The following CNOT4 variants were observed in gnomAD, a reference collection of about 807,000 sequenced individuals.
CNOT4 encodes CCR4-associated factor 4.
Under a neutral mutation model 73.8 loss-of-function variants are expected in CNOT4, and 8 were observed. The observed-to-expected ratio is 0.11, with a 90% CI of 0.06 to 0.20. The LOEUF (loss-of-function observed/expected upper bound fraction) is 0.20, where lower values mean the gene tolerates loss of function less well. CNOT4 is among the 10% of genes least tolerant of loss of function. The pLI, the probability that CNOT4 is intolerant of heterozygous loss-of-function variation, is 1.00. For missense variants in CNOT4, 564 were observed against 883.4 expected, an observed-to-expected ratio of 0.64 and a Z score of 4.58; for synonymous variants, 293 against 321.1, an observed-to-expected ratio of 0.91 and a Z score of 0.94.
intron 3 of CNOT4, among the ~76,000 whole-genome samples, chr7:135,420,745 A>G (rs1252683611): frequency 6.6e-6 from 1 of 151,998 alleles, no homozygotes; most frequent in Non-Finnish European, 1.5e-5. Flanking sequence ...AGATGGAGAT[A>G]AAAGGATTAG....
At chr7:135,465,937 T>C (rs1304855692) in intron 1 of CNOT4, among the ~76,000 whole-genome samples, 1 of 151,654 alleles carries the variant, frequency 6.6e-6, no homozygotes, top group African/African-American at 2.4e-5. Context: ...TAATCCCAGC[T>C]ACTCTGGAGG....
intron 1 of CNOT4, among the ~76,000 whole-genome samples, chr7:135,465,020 A>G (rs1315283593): frequency 6.6e-6 from 1 of 152,152 alleles, no homozygotes; most frequent in African/African-American, 2.4e-5. Context: ...CTATTATTTT[A>G]TACATCAGAT....
At position 135,363,239 on chromosome 7, in the gene CNOT4, T is replaced by G; in HGVS notation, c.1841-53A>C. On this transcript the variant is annotated intron_variant, in intron 11 of 11. Transcript: ENST00000541284. The surrounding 1 kb of genome is among the most constrained non-coding windows in gnomAD (Gnocchi z 4.3). The stretch of plus-strand genomic sequence containing the variant: ...AAATGGTGAGTTTGTGTGGAAAGAA[T>G]AAGGTCGTCAAACAAATTTAGAAAG... 1 of 1,558,238 alleles carries G rather than the reference T, an allele frequency of 6.4e-7. No individual in the cohort carries two copies. Among genetic ancestry groups the G allele is most frequent in the Middle Eastern group, 1.7e-4 (1 of 5,800 alleles).
chr7:135,433,928 C>T (rs949178788), intron 2 of CNOT4, among the ~76,000 whole-genome samples: 3 of 152,124 alleles, frequency 2.0e-5, no homozygotes, highest in Admixed American at 6.5e-5. Context: ...TAGGACCAAA[C>T]GGGAACACTA....
At chr7:135,372,736 T>C (rs1031399024) in intron 10 of CNOT4, among the ~76,000 whole-genome samples, 2 of 152,154 alleles carry the variant, frequency 1.3e-5, no homozygotes, top group African/African-American at 2.4e-5. Context: ...TTTGTATTTT[T>C]AGTAGAGACA....
chr7:135,395,542 G>A, intron 9 of CNOT4, 92 bp downstream of exon 9: 1 of 1,378,978 alleles, frequency 7.3e-7, no homozygotes, highest in Non-Finnish European at 9.9e-7. Context: ...AGAGGCAAAA[G>A]ATAAAAATAT....
At chr7:135,399,786 C>G (rs946597792) in intron 7 of CNOT4, among the ~76,000 whole-genome samples, 1 of 151,980 alleles carries the variant, frequency 6.6e-6, no homozygotes, top group Non-Finnish European at 1.5e-5. Flanking sequence ...ACTTGAAGAG[C>G]ATTTTTACTT....
At chr7:135,369,395 T>C (rs997530) in intron 10 of CNOT4, among the ~76,000 whole-genome samples, 17,692 of 152,148 alleles carry the variant, frequency 0.12, 1,231 homozygotes, top group African/African-American at 0.19. Context: ...AAATACACCC[T>C]TACCGGGAAG....
chr7:135,423,197 T>TC (rs1464292460), intron 2 of CNOT4, among the ~76,000 whole-genome samples: 2 of 151,760 alleles, frequency 1.3e-5, no homozygotes, highest in Non-Finnish European at 2.9e-5. Context: ...TTTTCTTCCC[T>TC]CCCCCAAGAC....
chr7:135,467,268 G>A (rs1260954108), intron 1 of CNOT4, among the ~76,000 whole-genome samples: 2 of 152,116 alleles, frequency 1.3e-5, no homozygotes, highest in East Asian at 3.8e-4. Flanking sequence ...CAAATTTCAG[G>A]TTCTTCAAGA....
chr7:135,469,541 A>C (rs1403097347), intron 1 of CNOT4, among the ~76,000 whole-genome samples: 1 of 152,174 alleles, frequency 6.6e-6, no homozygotes, highest in Non-Finnish European at 1.5e-5. Context: ...TTATTCTCCT[A>C]CATCACTTCC....
At chr7:135,509,559 G>A (rs971785277) in intron 1 of CNOT4, 1 of 152,730 alleles carries the variant, frequency 6.5e-6, no homozygotes, top group African/African-American at 2.4e-5. Context: ...TGAGACCTAA[G>A]AATCCTGCCC....
chr7:135,362,045 G>C lies in CNOT4; in HGVS notation c.*840C>G, dbSNP rs1311203798. On this transcript the variant is annotated 3_prime_UTR_variant, in exon 12 of 12. Coordinates refer to ENST00000541284, the MANE Select transcript of CNOT4 (RefSeq NM_001190850.2). ...AGCAGTGCTATCTCAGAGTGCCCTCGTCAGGTGAATTTATGGTAAAACAAA... is the reference window on the plus strand; with the variant it reads ...AGCAGTGCTATCTCAGAGTGCCCTCCTCAGGTGAATTTATGGTAAAACAAA... 6.5e-6 allele frequency: 1 copy of C among 152,682 alleles called. No individual in the cohort carries two copies. Among genetic ancestry groups the C allele is most frequent in the African/African-American group, 2.4e-5 (1 of 41,434 alleles). The allele number at this position is 152,682 out of a possible 1,614,324, so 9.5% of individuals were successfully genotyped here. A position where few individuals can be genotyped will look rare whatever the true frequency, so the allele number is the denominator to read the frequency against.
intron 2 of CNOT4, among the ~76,000 whole-genome samples, chr7:135,434,030 T>C (rs1799008019): frequency 6.6e-6 from 1 of 152,224 alleles, no homozygotes; most frequent in Admixed American, 6.5e-5. Context: ...CGTTTCATAT[T>C]GTAGACTGAG....
Position 135,398,217 on chromosome 7 carries a change from G to T in CNOT4, c.831C>A (p.Asp277Glu). Residue 277 changes from aspartate to glutamate, a missense_variant, in exon 8 of 12, where the codon GAC (aspartate) becomes GAA (glutamate). Physicochemically the swap from Asp to Glu is conservative, Grantham distance 45. Around this residue, in one of 10 missense-constraint regions of CNOT4, gnomAD observed 135 missense variants for 154.0 expected, o/e 0.88. Transcript: ENST00000541284. ...CTATACTGAGAGAATCTGAAGGTTT[G>T]TCAATGGGGCTATAAAAAGAAAACA... ...TPLQRYDTPI[D>E]KPSDSLSIGN... 1 of 1,527,966 alleles carries T rather than the reference G, an allele frequency of 6.5e-7. No homozygotes were observed. The highest frequency in any genetic ancestry group is 9.1e-7 in the Non-Finnish European group (1 of 1,102,654). The allele number at this position is 1,527,966 out of a possible 1,614,324, so 94.7% of individuals were successfully genotyped here.
chr7:135,508,892 A>G (rs1186400236), intron 1 of CNOT4, among the ~76,000 whole-genome samples: 2 of 152,186 alleles, frequency 1.3e-5, no homozygotes, highest in Non-Finnish European at 2.9e-5. Flanking sequence ...GAGGCAATCC[A>G]AAGAACGCTT....
chr7:135,430,899 T>C (rs1286131365), intron 2 of CNOT4, among the ~76,000 whole-genome samples: 1 of 152,198 alleles, frequency 6.6e-6, no homozygotes, highest in Non-Finnish European at 1.5e-5. Context: ...CAAAGATATC[T>C]TTCTTATCAC....
At chr7:135,425,078 T>C (rs548011383) in intron 2 of CNOT4, among the ~76,000 whole-genome samples, 1 of 152,340 alleles carries the variant, frequency 6.6e-6, no homozygotes, top group East Asian at 1.9e-4. Flanking sequence ...TATTTTTCAA[T>C]GTAGTCGAAC....
At position 135,440,329 on chromosome 7, in the gene CNOT4, C is replaced by CT. The variant is rs538595282; in HGVS notation, c.-92-1907dup. Among the ~76,000 whole-genome samples the CT allele has an allele frequency of 8.1e-3, 1,110 of 137,794 alleles. 20 individuals carry two copies. Among genetic ancestry groups the CT allele is most frequent in the East Asian group, 0.059 (280 of 4,782 alleles). 90.4% of individuals were successfully genotyped at this position (137,794 alleles called of 152,430 possible). On this transcript the variant is annotated intron_variant, in intron 1 of 11. Transcript: ENST00000541284. Reference sequence around the variant, plus strand: ...CAATCTTTAGTTAACAGCCAGGTAACTTTTTTTTTTTTTTTACCCCATCAG... The same window carrying CT: ...CAATCTTTAGTTAACAGCCAGGTAACTTTTTTTTTTTTTTTTACCCCATCAG...
Sources: gnomAD v4.1 joint callset for allele counts (sites outside exome capture counted in the v4.1 genomes callset) on GRCh38, gnomAD v4.1.1 for gene constraint, gnomAD v4.1.1 regional missense constraint, Gnocchi (gnomAD v3.1) non-coding constraint, MANE v1.5 for transcripts, NCBI Gene and HGNC (gene_info 2026-07-23, HGNC 2026-07-21) for gene names.